The following HTR1F variants were observed in gnomAD, a reference collection of about 807,000 sequenced individuals.
The protein encoded by HTR1F is 5-hydroxytryptamine receptor 1F.
A neutral mutation model predicts 24.0 loss-of-function variants in HTR1F; 17 were observed. The ratio of observed to expected loss-of-function variants is 0.71; its 90% CI spans 0.48 to 1.06. The LOEUF (loss-of-function observed/expected upper bound fraction) is 1.06, where lower values mean the gene tolerates loss of function less well. HTR1F is among the 50% of genes least tolerant of loss of function. The pLI, the probability that HTR1F is intolerant of heterozygous loss-of-function variation, is 0.00. For synonymous variants in HTR1F, 186 were observed against 156.8 expected, an observed-to-expected ratio of 1.19 and a Z score of -1.39; for missense variants, 391 against 427.8, an observed-to-expected ratio of 0.91 and a Z score of 0.76.
intron 2 of HTR1F, among the ~76,000 whole-genome samples, chr3:87,896,224 C>T (rs1272841727): frequency 6.6e-6 from 1 of 152,134 alleles, no homozygotes; most frequent in Non-Finnish European, 1.5e-5. Flanking sequence ...AAGAGCTTTA[C>T]CTGCTCAATG....
Position 87,832,285 on chromosome 3 carries a change from C to T in HTR1F, c.-43+10161C>T, listed in dbSNP as rs112209094. 6.8e-3 allele frequency among the ~76,000 whole-genome samples: 1,017 copies of T among 149,096 alleles called. 19 individuals carry two copies. Among genetic ancestry groups the T allele is most frequent in the African/African-American group, 0.024 (973 of 40,676 alleles). ...TATGTAATGTATAATATGTATTATA[C>T]ACACAAAACACACACATAAGAATAT... On this transcript the variant is annotated intron_variant, in intron 2 of 2. Coordinates refer to ENST00000319595, the MANE Select transcript of HTR1F (RefSeq NM_001322209.2).
chr3:87,896,423 C>A (rs192216147), intron 2 of HTR1F, among the ~76,000 whole-genome samples: 25 of 152,296 alleles, frequency 1.6e-4, no homozygotes, highest in Middle Eastern at 3.4e-3. Flanking sequence ...CAAGATAGAA[C>A]ATGTTGTGTA....
At chr3:87,894,378 T>A (rs1438887591) in intron 2 of HTR1F, among the ~76,000 whole-genome samples, 1 of 151,828 alleles carries the variant, frequency 6.6e-6, no homozygotes, top group Non-Finnish European at 1.5e-5. Flanking sequence ...AGCCTCAGCC[T>A]CCCGAGTAGC....
intron 1 of HTR1F, among the ~76,000 whole-genome samples, chr3:87,793,997 C>T (rs1361278906): frequency 6.8e-6 from 1 of 146,672 alleles, no homozygotes; most frequent in African/African-American, 2.5e-5. Flanking sequence ...AGAGAGAAAA[C>T]AGGAAAACAG....
At position 87,992,920 on chromosome 3, in the gene HTR1F, A is replaced by G. The variant is rs1465985373; in HGVS notation, c.*1070A>G. 6.0e-6 allele frequency: 1 copy of G among 166,942 alleles called. No individual in the cohort carries two copies. The highest frequency in any genetic ancestry group is 1.5e-5 in the Non-Finnish European group (1 of 68,078). The allele number at this position is 166,942 out of a possible 1,614,324, so 10.3% of individuals were successfully genotyped here. The stretch of plus-strand genomic sequence containing the variant: ...TAGAAATGAACAGGAAAAAAGACTC[A>G]TATTACACTAATTAATAAATGTACA... On this transcript the variant is annotated 3_prime_UTR_variant, in exon 3 of 3. Transcript: ENST00000319595.
chr3:87,978,378 T>G (rs1705445362), intron 2 of HTR1F, among the ~76,000 whole-genome samples: 1 of 152,176 alleles, frequency 6.6e-6, no homozygotes, highest in African/African-American at 2.4e-5. Flanking sequence ...TGACAGGTCC[T>G]GAGTTCTTGG....
intron 1 of HTR1F, among the ~76,000 whole-genome samples, chr3:87,803,195 T>A (rs767048216): frequency 3.9e-5 from 6 of 152,188 alleles, no homozygotes; most frequent in Non-Finnish European, 8.8e-5. Flanking sequence ...TCAGCCACCA[T>A]CAATTTTATA....
chr3:87,911,966 G>A (rs1344411003), intron 2 of HTR1F, among the ~76,000 whole-genome samples: 2 of 152,112 alleles, frequency 1.3e-5, no homozygotes, highest in Admixed American at 6.6e-5. Flanking sequence ...ACATCATACC[G>A]AATGGGCAAA....
At chr3:87,869,326 G>C (rs1347976615) in intron 2 of HTR1F, among the ~76,000 whole-genome samples, 2 of 151,874 alleles carry the variant, frequency 1.3e-5, no homozygotes, top group African/African-American at 4.8e-5. Context: ...AGCATGTTAG[G>C]TGAGTGCTTT....
At chr3:87,916,309 G>A (rs199542317) in intron 2 of HTR1F, among the ~76,000 whole-genome samples, 457 of 110,810 alleles carry the variant, frequency 4.1e-3, no homozygotes, top group Middle Eastern at 0.011. Flanking sequence ...AAGCAAAAAA[G>A]AAAAAAAAAA....
chr3:87,801,087 A>G (rs1703982926), intron 1 of HTR1F, among the ~76,000 whole-genome samples: 1 of 152,208 alleles, frequency 6.6e-6, no homozygotes, highest in South Asian at 2.1e-4. Context: ...ATGGAGTTAC[A>G]TTTTCCTTAT....
At chr3:87,989,140 A>C (rs1169129914) in intron 2 of HTR1F, among the ~76,000 whole-genome samples, 1 of 152,222 alleles carries the variant, frequency 6.6e-6, no homozygotes, top group Non-Finnish European at 1.5e-5. Context: ...TGATTTAAAA[A>C]AATGCTATTT....
At chr3:87,813,658 T>G (rs1704198040) in intron 1 of HTR1F, among the ~76,000 whole-genome samples, 1 of 152,132 alleles carries the variant, frequency 6.6e-6, no homozygotes, top group African/African-American at 2.4e-5. Flanking sequence ...CATCTCAAAT[T>G]GTAATCTCCA....
At chr3:87,851,828 A>G (rs1325389887) in intron 2 of HTR1F, among the ~76,000 whole-genome samples, 1 of 151,660 alleles carries the variant, frequency 6.6e-6, no homozygotes, top group African/African-American at 2.4e-5. Flanking sequence ...AAAAACCTAT[A>G]AGAATGTACA....
chr3:87,918,698 A>G (rs1371573052), intron 2 of HTR1F, among the ~76,000 whole-genome samples: 5 of 152,114 alleles, frequency 3.3e-5, no homozygotes, highest in Non-Finnish European at 2.9e-5. Flanking sequence ...GAAAACTACG[A>G]AACACTGCTG....
intron 1 of HTR1F, among the ~76,000 whole-genome samples, chr3:87,800,096 C>G (rs1160336126): frequency 6.6e-6 from 1 of 152,162 alleles, no homozygotes; most frequent in Non-Finnish European, 1.5e-5. Context: ...CCAAACTCAT[C>G]TCCCTGAATC....
intron 2 of HTR1F, among the ~76,000 whole-genome samples, chr3:87,900,651 G>A (rs537238902): frequency 2.6e-5 from 4 of 152,118 alleles, no homozygotes; most frequent in Non-Finnish European, 5.9e-5. Flanking sequence ...GTGGCAGTGA[G>A]AATTTGTTTC....
intron 2 of HTR1F, among the ~76,000 whole-genome samples, chr3:87,859,367 A>G (rs1705269214): frequency 6.6e-6 from 1 of 152,216 alleles, no homozygotes; most frequent in Non-Finnish European, 1.5e-5. Context: ...GGACAAGAAG[A>G]CCAGCTGGTT....
rs1705832640 is a variant in HTR1F, at chr3:87,991,582, G to A, written c.833G>A (p.Trp278Ter). 1 of 1,613,906 alleles carries A rather than the reference G, an allele frequency of 6.2e-7. No individual in the cohort carries two copies. Among genetic ancestry groups the A allele is most frequent in the African/African-American group, 1.3e-5 (1 of 74,918 alleles). Residue 278 changes from tryptophan (W) to a stop codon, truncating the protein, a stop_gained, in exon 3 of 3, where the codon TGG becomes TAG. Transcript: ENST00000319595. LOFTEE classifies it high-confidence loss of function. ...LRSEFKHEKS[W>*]RRQKISGTRE... ...TCTGAATTCAAGCATGAGAAATCTT[G>A]GAGAAGGCAAAAGATCTCAGGTACA...
Sources: allele counts gnomAD v4.1 joint callset (sites outside exome capture counted in the v4.1 genomes callset), GRCh38; gene constraint gnomAD v4.1.1; transcripts MANE v1.5; gene names NCBI Gene and HGNC (gene_info 2026-07-23, HGNC 2026-07-21).